Variants in TMEM65 observed in about 807,000 individuals in gnomAD.
The protein encoded by TMEM65 is transmembrane protein 65.
Under a neutral mutation model 25.4 loss-of-function variants are expected in TMEM65, and 22 were observed. That is an observed-to-expected ratio of 0.86 (90% CI 0.62 to 1.23). TMEM65 has a LOEUF of 1.23. Among genes scored for constraint, TMEM65 ranks in the 50% most tolerant of loss-of-function variants. TMEM65 has a pLI of 0.00. For missense variants in TMEM65, 262 were observed against 308.2 expected (o/e 0.85, Z 1.12); for synonymous variants, 132 against 126.2 (o/e 1.05, Z -0.31).
chr8:124,372,314 G>T lies in TMEM65; in HGVS notation c.-157C>A. The stretch of plus-strand genomic sequence containing the variant: ...ACCATGCACTCCGCGGGCCCGCGCG[G>T]CTCTCGCCTCCTGTTCCGTCCCCAC... On this transcript the variant is annotated 5_prime_UTR_variant, in exon 1 of 7. Coordinates refer to ENST00000297632, the MANE Select transcript of TMEM65 (RefSeq NM_194291.3). 1.8e-6 allele frequency: 1 copy of T among 565,804 alleles called. No individual in the cohort carries two copies. The highest frequency in any genetic ancestry group is 2.3e-6 in the Non-Finnish European group (1 of 430,464). 35.0% of individuals were successfully genotyped at this position (565,804 alleles called of 1,614,324 possible).
chr8:124,351,208 G>T, intron 1 of TMEM65: 1 of 730,194 alleles, frequency 1.4e-6, no homozygotes, highest in Non-Finnish European at 1.7e-6. Flanking sequence ...ACTTAGAAGT[G>T]CCACATGCTA....
chr8:124,356,327 A>G (rs960280280), intron 1 of TMEM65, among the ~76,000 whole-genome samples: 5 of 152,116 alleles, frequency 3.3e-5, no homozygotes, highest in African/African-American at 4.8e-5. Flanking sequence ...TTTGTAGGCC[A>G]TTTCTCTTAT....
chr8:124,322,592 G>A (rs543570076), intron 4 of TMEM65, among the ~76,000 whole-genome samples: 9 of 152,072 alleles, frequency 5.9e-5, no homozygotes, highest in Admixed American at 4.6e-4. Flanking sequence ...GAAGAATAGA[G>A]TGGTAAATGG....
intron 5 of TMEM65, 115 bp from the exon 6 acceptor site, chr8:124,320,306 G>A (rs1273450093): frequency 1.6e-6 from 1 of 634,988 alleles, no homozygotes; most frequent in Non-Finnish European, 2.6e-6. Context: ...AAAAAGACAT[G>A]CAAATGTCCT....
chr8:124,362,750 T>C (rs28827823), intron 1 of TMEM65, among the ~76,000 whole-genome samples: 11,134 of 151,900 alleles, frequency 0.073, 436 homozygotes, highest in African/African-American at 0.1. Flanking sequence ...AAATTAGCTG[T>C]AGTTTTAGTA....
At chr8:124,327,255 A>G (rs372736998) in intron 3 of TMEM65, 99 bp downstream of exon 3, 10 of 753,736 alleles carry the variant, frequency 1.3e-5, no homozygotes, top group South Asian at 5.3e-5. Flanking sequence ...GTTCATTATG[A>G]TATTAAAACT....
intron 1 of TMEM65, among the ~76,000 whole-genome samples, chr8:124,354,509 T>C (rs1563597905): frequency 6.6e-6 from 1 of 152,156 alleles, no homozygotes; most frequent in East Asian, 1.9e-4. Flanking sequence ...CAATCAGTCA[T>C]CTTGGGGGAC....
At chr8:124,315,176 G>C (rs1289491307) in intron 6 of TMEM65, among the ~76,000 whole-genome samples, 2 of 152,030 alleles carry the variant, frequency 1.3e-5, no homozygotes, top group African/African-American at 4.8e-5. Flanking sequence ...TCTCCTCCAG[G>C]AACTTCTAGT....
chr8:124,323,065 T>C (rs1452023972), intron 4 of TMEM65, among the ~76,000 whole-genome samples: 1 of 152,056 alleles, frequency 6.6e-6, no homozygotes, highest in African/African-American at 2.4e-5. Flanking sequence ...TAACACTGAA[T>C]TGCCAGAAAA....
intron 6 of TMEM65, among the ~76,000 whole-genome samples, chr8:124,315,375 G>A (rs972927537): frequency 1.3e-5 from 2 of 150,926 alleles, no homozygotes; most frequent in African/African-American, 4.9e-5. Context: ...AGGTTGGAGT[G>A]CAGTGATGTA....
rs1170833230 is a variant in TMEM65, at chr8:124,323,354, T to A, written c.439A>T (p.Ile147Phe). Residue 147 changes from isoleucine to phenylalanine, a missense_variant, in exon 4 of 7, where the codon ATT (isoleucine) becomes TTT (phenylalanine). Coordinates refer to ENST00000297632, the MANE Select transcript of TMEM65 (RefSeq NM_194291.3). ...GTTGAAATTCCCAAAATAATTCCAA[T>A]AGACATTTCAATATGGGTTCCCTGA... ...IVAGTHIEMS[I>F]GIILGISTMA... is the part of the protein sequence containing the mutation. The A allele has an allele frequency of 2.0e-6, 3 of 1,508,054 alleles. No individual in the cohort carries two copies. Among genetic ancestry groups the A allele is most frequent in the Non-Finnish European group, 1.8e-6 (2 of 1,105,142 alleles). The allele number at this position is 1,508,054 out of a possible 1,614,324, so 93.4% of individuals were successfully genotyped here.
chr8:124,334,003 T>C (rs1458660913), intron 1 of TMEM65, among the ~76,000 whole-genome samples: 1 of 152,220 alleles, frequency 6.6e-6, no homozygotes, highest in East Asian at 1.9e-4. Context: ...ACAGCTGGCT[T>C]GTGGAACCAC....
At chr8:124,331,979 C>T (rs192076702) in intron 1 of TMEM65, among the ~76,000 whole-genome samples, 3 of 152,110 alleles carry the variant, frequency 2.0e-5, no homozygotes, top group Admixed American at 6.5e-5. Flanking sequence ...TACACTAAAA[C>T]CTCGAGTTTA....
chr8:124,352,636 G>T (rs1189536459), intron 1 of TMEM65, among the ~76,000 whole-genome samples: 1 of 152,136 alleles, frequency 6.6e-6, no homozygotes, highest in Non-Finnish European at 1.5e-5. Flanking sequence ...AGTATTGCAG[G>T]ATTTCAGTAA....
At chr8:124,365,541 A>G (rs555708884) in intron 1 of TMEM65, among the ~76,000 whole-genome samples, 21 of 152,340 alleles carry the variant, frequency 1.4e-4, no homozygotes, top group Middle Eastern at 3.4e-3. Context: ...AAGATATCCC[A>G]CATTCTAATT....
intron 1 of TMEM65, among the ~76,000 whole-genome samples, chr8:124,368,916 A>G (rs1413383685): frequency 6.6e-6 from 1 of 152,252 alleles, no homozygotes; most frequent in Non-Finnish European, 1.5e-5. Flanking sequence ...CGCAATGGAT[A>G]ACTAATACAA....
At chr8:124,320,321 T>C in intron 5 of TMEM65, 130 bp from the exon 6 acceptor site, 3 of 527,328 alleles carry the variant, frequency 5.7e-6, no homozygotes, top group Non-Finnish European at 9.9e-6. Context: ...TGTCCTCATA[T>C]AGTAAACTAA....
At chr8:124,360,919 T>G (rs1436626698) in intron 1 of TMEM65, among the ~76,000 whole-genome samples, 2 of 152,264 alleles carry the variant, frequency 1.3e-5, no homozygotes, top group Non-Finnish European at 2.9e-5. Flanking sequence ...AGTTTTTAAA[T>G]TGTTAGTAAA....
intron 1 of TMEM65, 61 bp from the exon 2 acceptor site, chr8:124,330,853 T>A: frequency 7.0e-7 from 1 of 1,418,464 alleles, no homozygotes; most frequent in South Asian, 1.3e-5. Context: ...TATTTTTTAT[T>A]ACAATGAAGA....
Sources: gnomAD v4.1 joint callset for allele counts (sites outside exome capture counted in the v4.1 genomes callset) on GRCh38, gnomAD v4.1.1 for gene constraint, MANE v1.5 for transcripts, NCBI Gene and HGNC (gene_info 2026-07-23, HGNC 2026-07-21) for gene names.